Variants in SLC35F6 observed in about 807,000 individuals in gnomAD.
SLC35F6 encodes the protein solute carrier family 35 member F6.
SLC35F6 carries 26 observed loss-of-function variants against 29.4 expected under a neutral mutation model. The observed-to-expected ratio is 0.89, with a 90% CI of 0.65 to 1.23. The LOEUF is 1.23. Ranked by LOEUF, SLC35F6 falls within the 50% of genes most tolerant of loss-of-function variation. The pLI is 0.00. For missense variants in SLC35F6, 428 were observed against 487.8 expected, an observed-to-expected ratio of 0.88 and a Z score of 1.15; for synonymous variants, 174 against 206.6, an observed-to-expected ratio of 0.84 and a Z score of 1.35.
chr2:26,775,590 C>T lies in SLC35F6; in HGVS notation c.449C>T (p.Ala150Val). Reference protein sequence around the residue: ...LVLSQWLGILATIAGLVVVGL... With the variant: ...LVLSQWLGILVTIAGLVVVGL... ...CTGAGCCAGTGGCTGGGCATCCTAG[C>T]CACCATCGCGGGGCTGGTGGTCGTG... Residue 150 changes from alanine (A) to valine (V), a missense_variant, in exon 4 of 6, where the codon GCC (alanine) becomes GTC (valine). Ala to Val is a moderately conservative substitution (Grantham distance 64, BLOSUM62 0). Transcript: ENST00000344420. The surrounding 1 kb of genome is among the most constrained non-coding windows in gnomAD (Gnocchi z 4.6). The T allele has an allele frequency of 1.2e-6, 2 of 1,608,280 alleles. No individual in the cohort carries two copies. The highest frequency in any genetic ancestry group is 8.5e-7 in the Non-Finnish European group (1 of 1,179,364).
At chr2:26,768,798 G>A (rs1019745795) in intron 1 of SLC35F6, among the ~76,000 whole-genome samples, 2 of 151,426 alleles carry the variant, frequency 1.3e-5, no homozygotes, top group East Asian at 1.9e-4. Context: ...ACCCGCCACC[G>A]TGCCCACCTA....
intron 1 of SLC35F6, among the ~76,000 whole-genome samples, chr2:26,772,854 T>C (rs1664222419): frequency 6.6e-6 from 1 of 152,148 alleles, no homozygotes; most frequent in Non-Finnish European, 1.5e-5. Flanking sequence ...TTCAGAGTGA[T>C]TGGTGGTTAA....
In SLC35F6 at chr2:26,771,896, T is replaced by G. The variant is rs577327806; in HGVS notation, c.78-2355T>G. 2.0e-5 allele frequency among the ~76,000 whole-genome samples: 3 copies of G among 152,218 alleles called. No homozygotes were observed. In the South Asian group the frequency reaches 6.2e-4, roughly 32 times the overall value. The stretch of plus-strand genomic sequence containing the variant: ...GCTTCCCCAGCTCCCAGACTCCCTG[T>G]TCCATAGCAGGCGCTTTCTTTGCCC... On this transcript the variant is annotated intron_variant, in intron 1 of 5. Coordinates refer to ENST00000344420, the MANE Select transcript of SLC35F6 (RefSeq NM_017877.4).
At position 26,778,700 on chromosome 2, in the gene SLC35F6, A is replaced by G. The variant is rs1664353247; in HGVS notation, c.*189A>G. The G allele has an allele frequency of 1.6e-6, 1 of 614,662 alleles. No individual in the cohort carries two copies. Among genetic ancestry groups the G allele is most frequent in the South Asian group, 2.3e-5 (1 of 44,382 alleles). The allele number at this position is 614,662 out of a possible 1,614,324, so 38.1% of individuals were successfully genotyped here. ...TCCTCTTTTTCTCACTACCACCTGCAGGGTGGTGTTACCCAGCCCCCACAA... is the reference window on the plus strand; with the variant it reads ...TCCTCTTTTTCTCACTACCACCTGCGGGGTGGTGTTACCCAGCCCCCACAA... On this transcript the variant is annotated 3_prime_UTR_variant, in exon 6 of 6. Transcript: ENST00000344420.
intron 1 of SLC35F6, among the ~76,000 whole-genome samples, chr2:26,773,597 A>AAT (rs909533229): frequency 1.4e-4 from 21 of 151,166 alleles, no homozygotes; most frequent in African/African-American, 4.6e-4. Flanking sequence ...CGTGATATAG[A>AAT]ATATATATAG....
At chr2:26,769,205 T>C (rs1172924496) in intron 1 of SLC35F6, among the ~76,000 whole-genome samples, 3 of 152,216 alleles carry the variant, frequency 2.0e-5, no homozygotes, top group African/African-American at 7.2e-5. Context: ...CCACCCCCGT[T>C]CACGTGGACG....
intron 2 of SLC35F6, 143 bp downstream of exon 2, chr2:26,774,466 TC>T: frequency 1.1e-6 from 1 of 889,660 alleles, no homozygotes; most frequent in Non-Finnish European, 1.7e-6. Flanking sequence ...TCTCTTTCCC[TC>T]CCCAGAGCAG....
rs1002689231 is a variant in SLC35F6 at position 26,778,588 on chromosome 2, G to A, written c.*77G>A. 1.7e-5 allele frequency: 24 copies of A among 1,382,970 alleles called. No individual in the cohort carries two copies. In the South Asian group the frequency reaches 2.0e-4, roughly 11 times the overall value. 85.7% of individuals were successfully genotyped at this position (1,382,970 alleles called of 1,614,324 possible). A position where few individuals can be genotyped will look rare whatever the true frequency, so the allele number is the denominator to read the frequency against. ...GAGGCCACACAGGCTGGTGGGCCCC[G>A]AATGCCCTATCCCCAAGGCCTCACC... On this transcript the variant is annotated 3_prime_UTR_variant, in exon 6 of 6. Coordinates refer to ENST00000344420, the MANE Select transcript of SLC35F6 (RefSeq NM_017877.4).
At chr2:26,774,129 G>A in intron 1 of SLC35F6, 122 bp from the exon 2 acceptor site, 1 of 1,041,546 alleles carries the variant, frequency 9.6e-7, no homozygotes, top group Non-Finnish European at 1.4e-6. Flanking sequence ...CTTTGAGAGG[G>A]AGCCCCACTC....
chr2:26,776,205 C>T (rs1664297460), intron 4 of SLC35F6, among the ~76,000 whole-genome samples, 167 bp from the exon 5 acceptor site: 1 of 152,192 alleles, frequency 6.6e-6, no homozygotes. Context: ...GCTGGCATGC[C>T]CCTCAGGAAC....
chr2:26,765,479 C>T (rs1251977088), intron 1 of SLC35F6, among the ~76,000 whole-genome samples: 2 of 152,172 alleles, frequency 1.3e-5, no homozygotes, highest in Non-Finnish European at 2.9e-5. Context: ...GCCTTCCTGC[C>T]CCTCCTTTTC....
chr2:26,773,012 C>T (rs1209608663), intron 1 of SLC35F6, among the ~76,000 whole-genome samples: 2 of 152,122 alleles, frequency 1.3e-5, no homozygotes, highest in African/African-American at 2.4e-5. Context: ...GCTTGAAAGT[C>T]AGCATTAGAA....
intron 1 of SLC35F6, 32 bp downstream of exon 1, chr2:26,764,458 C>T: frequency 6.5e-7 from 1 of 1,550,286 alleles, no homozygotes; most frequent in Non-Finnish European, 8.7e-7. Flanking sequence ...CGTGCGGGCC[C>T]TGGCGACCCC....
intron 5 of SLC35F6, 92 bp downstream of exon 5, chr2:26,776,574 G>C: frequency 8.6e-7 from 1 of 1,164,096 alleles, no homozygotes; most frequent in Non-Finnish European, 1.3e-6. Context: ...CACTTGTGGG[G>C]GGTGAACTTC....
chr2:26,768,937 C>T (rs2148055238), intron 1 of SLC35F6, among the ~76,000 whole-genome samples: 1 of 152,322 alleles, frequency 6.6e-6, no homozygotes, highest in African/African-American at 2.4e-5. Context: ...ACCACCACAC[C>T]CAGCTTAAGG....
In SLC35F6 at chr2:26,779,359, T is replaced by C. The variant is rs1406128508; in HGVS notation, c.*848T>C. On this transcript the variant is annotated 3_prime_UTR_variant, in exon 6 of 6. Coordinates refer to ENST00000344420, the MANE Select transcript of SLC35F6 (RefSeq NM_017877.4). ...CACATTACCCAGTTGCTCTGGGCCTTGGTGTTATGCTCTGGGAAGTAGATG... is the reference window on the plus strand; with the variant it reads ...CACATTACCCAGTTGCTCTGGGCCTCGGTGTTATGCTCTGGGAAGTAGATG... The C allele has an allele frequency of 6.6e-6, 1 of 152,252 alleles. No homozygotes were observed. Among genetic ancestry groups the C allele is most frequent in the Non-Finnish European group, 1.5e-5 (1 of 68,070 alleles). The allele number at this position is 152,252 out of a possible 1,614,324, so 9.4% of individuals were successfully genotyped here.
At chr2:26,774,005 CAAT>C (rs1342700172) in intron 1 of SLC35F6, among the ~76,000 whole-genome samples, 1 of 152,218 alleles carries the variant, frequency 6.6e-6, no homozygotes, top group Non-Finnish European at 1.5e-5. Context: ...ACGATATATA[CAAT>C]GACTGTAATG....
Position 26,775,734 on chromosome 2 carries a change from C to A in SLC35F6, c.535+58C>A. The A allele has an allele frequency of 6.7e-7, 1 of 1,483,258 alleles. No homozygotes were observed. The highest frequency in any genetic ancestry group is 9.0e-7 in the Non-Finnish European group (1 of 1,114,854). The allele number at this position is 1,483,258 out of a possible 1,614,324, so 91.9% of individuals were successfully genotyped here. On this transcript the variant is annotated intron_variant, in intron 4 of 5. Transcript: ENST00000344420. The surrounding 1 kb of genome is among the most constrained non-coding windows in gnomAD (Gnocchi z 4.6). ...TATCCTGCCCTGTCCTCCTTGGGAG[C>A]CCAGCACAGACTCATACAAGCTCTG...
At chr2:26,777,743 A>AGTGTGT (rs34163276) in intron 5 of SLC35F6, among the ~76,000 whole-genome samples, 4,543 of 150,322 alleles carry the variant, frequency 0.03, 244 homozygotes, top group African/African-American at 0.1. Context: ...TGTTTTTATG[A>AGTGTGT]GTGTGTGTGT....
Sources: allele counts gnomAD v4.1 joint callset (sites outside exome capture counted in the v4.1 genomes callset), GRCh38; gene constraint gnomAD v4.1.1; non-coding constraint Gnocchi (gnomAD v3.1); transcripts MANE v1.5; gene names NCBI Gene and HGNC (gene_info 2026-07-23, HGNC 2026-07-21).